TUBB8: variants seen among roughly 807,000 people sequenced by gnomAD.
The protein encoded by TUBB8 is tubulin beta-8 chain.
In TUBB8, 25 loss-of-function variants were observed where a neutral mutation model predicts 33.7. The observed-to-expected ratio is 0.74, with a 90% confidence interval of 0.54 to 1.04. The LOEUF is 1.04. Ranked by LOEUF, TUBB8 falls within the 50% of genes least tolerant of loss-of-function variation. The probability of loss-of-function intolerance (pLI) is 0.00; values close to 1 mark genes in which losing one functional copy is unlikely to be tolerated. For missense variants in TUBB8, 279 were observed against 608.0 expected (o/e 0.46, Z 5.69); for synonymous variants, 245 against 240.1 (o/e 1.02, Z -0.19).
upstream of TUBB8, among the ~76,000 whole-genome samples, chr10:53,371 G>T (rs1834492188): frequency 2.0e-5 from 3 of 152,274 alleles, no homozygotes; most frequent in South Asian, 6.2e-4. Context: ...CAAGTGATCT[G>T]CCCACCTTGG....
At chr10:74,000 G>A in exon 1 of TUBB8, 1 of 157,080 alleles carries the variant, frequency 6.4e-6, no homozygotes. Flanking sequence ...CTGCAGCAGC[G>A]TCTCCCTGTC....
upstream of TUBB8, among the ~76,000 whole-genome samples, chr10:76,120 C>A (rs1218563592): frequency 7.6e-5 from 11 of 145,582 alleles, no homozygotes; most frequent in Non-Finnish European, 1.7e-4. Flanking sequence ...GCCTGGGAAA[C>A]CGAAGCGAAA....
intron 3 of TUBB8, 105 bp downstream of exon 3, chr10:48,510 C>G: frequency 2.7e-6 from 3 of 1,128,198 alleles, no homozygotes; most frequent in Non-Finnish European, 4.0e-6. Context: ...GGAGGGTGTT[C>G]AGGGGCCCTA....
At chr10:73,475 C>G (rs576067381) in intron 1 of TUBB8, among the ~76,000 whole-genome samples, 2 of 152,328 alleles carry the variant, frequency 1.3e-5, no homozygotes, top group Non-Finnish European at 2.9e-5. Flanking sequence ...GAAACCCCGT[C>G]TCTACTAAAA....
At chr10:72,750 G>A (rs527993097) in intron 1 of TUBB8, among the ~76,000 whole-genome samples, 1 of 151,860 alleles carries the variant, frequency 6.6e-6, no homozygotes, top group African/African-American at 2.4e-5. Flanking sequence ...TTCTTGGGGA[G>A]GCTGAGACAG....
chr10:53,656 T>C (rs1475271449), upstream of TUBB8, among the ~76,000 whole-genome samples: 1 of 152,234 alleles, frequency 6.6e-6, no homozygotes, highest in African/African-American at 2.4e-5. Context: ...AGAAAAACAG[T>C]GTTTATCTCC....
chr10:48,406 T>C lies in TUBB8; in HGVS notation c.277+209A>G. 1.7e-5 allele frequency: 11 copies of C among 648,456 alleles called. 2 individuals carry two copies. Among genetic ancestry groups the C allele is most frequent in the South Asian group, 1.7e-4 (9 of 54,256 alleles). The allele number at this position is 648,456 out of a possible 1,614,324, so 40.2% of individuals were successfully genotyped here. ...CCAGCTCAGGTTCTTGCAGGGAGTT[T>C]ACATCAGTAACTCCTCACCTTGAGG... On this transcript the variant is annotated intron_variant, in intron 3 of 3. Coordinates refer to ENST00000568584, the MANE Select transcript of TUBB8 (RefSeq NM_177987.3).
intron 1 of TUBB8, among the ~76,000 whole-genome samples, chr10:57,410 G>A (rs1554740280): frequency 6.6e-6 from 1 of 152,230 alleles, no homozygotes; most frequent in African/African-American, 2.4e-5. Flanking sequence ...TTTAGTAGAG[G>A]TTCTTCATAA....
At chr10:51,933 T>C (rs192665181), upstream of TUBB8, among the ~76,000 whole-genome samples, 119 of 152,280 alleles carry the variant, frequency 7.8e-4, no homozygotes, top group Admixed American at 1.7e-3. Context: ...GCCTCTTTCC[T>C]GGGGCTGCCT....
chr10:73,434 G>C (rs61840127), intron 1 of TUBB8, among the ~76,000 whole-genome samples: 6,804 of 152,204 alleles, frequency 0.045, 151 homozygotes, highest in Non-Finnish European at 0.074. Flanking sequence ...TGATGAGGTT[G>C]GGAGTTCAAG....
At chr10:50,269 T>C (rs1834449801), upstream of TUBB8, 1 of 152,116 alleles carries the variant, frequency 6.6e-6, no homozygotes, top group Non-Finnish European at 1.5e-5. Context: ...AAACAAAGAA[T>C]CCCTTCTAGG....
chr10:64,361 C>T (rs1258330841), intron 1 of TUBB8, among the ~76,000 whole-genome samples: 1 of 149,550 alleles, frequency 6.7e-6, no homozygotes, highest in South Asian at 2.1e-4. Flanking sequence ...ACCCTAACCC[C>T]CAACCCCAAC....
downstream of TUBB8, chr10:46,883 A>C (rs1834336195): frequency 2.3e-5 from 12 of 529,146 alleles, no homozygotes; most frequent in Non-Finnish European, 3.3e-6. Context: ...AGATGGAGGC[A>C]AAACCAGATG....
chr10:73,452 T>A (rs1330520675), intron 1 of TUBB8, among the ~76,000 whole-genome samples: 10 of 152,320 alleles, frequency 6.6e-5, no homozygotes, highest in African/African-American at 2.4e-4. Flanking sequence ...AAGACCAGCC[T>A]GACCAACATG....
chr10:62,926 C>G (rs138594933), intron 1 of TUBB8, among the ~76,000 whole-genome samples: 2,852 of 152,132 alleles, frequency 0.019, 26 homozygotes, highest in African/African-American at 0.065. Context: ...ATTTCTTTAT[C>G]CTTAACCTTT....
chr10:66,702 T>A (rs1588280219), intron 1 of TUBB8, among the ~76,000 whole-genome samples: 2 of 152,230 alleles, frequency 1.3e-5, no homozygotes, highest in Non-Finnish European at 2.9e-5. Context: ...CTGGACATGG[T>A]AGCTGACACC....
chr10:61,548 T>C (rs1373235865), intron 1 of TUBB8, among the ~76,000 whole-genome samples: 2 of 152,244 alleles, frequency 1.3e-5, no homozygotes, highest in East Asian at 1.9e-4. Context: ...AAATAACCCA[T>C]GTGCAGAGAA....
upstream of TUBB8, chr10:49,316 C>T (rs575824723): frequency 2.4e-4 from 355 of 1,466,992 alleles, no homozygotes; most frequent in Middle Eastern, 4.7e-4. Flanking sequence ...CGCCCTCCGC[C>T]AACGTTTAAA....
At chr10:74,418 G>A (rs1387483618), upstream of TUBB8, among the ~76,000 whole-genome samples, 7 of 151,040 alleles carry the variant, frequency 4.6e-5, no homozygotes, top group African/African-American at 1.7e-4. Context: ...CTCGAGGTCA[G>A]GAAATCGAGA....
Sources: allele counts gnomAD v4.1 joint callset (sites outside exome capture counted in the v4.1 genomes callset), GRCh38; gene constraint gnomAD v4.1.1; transcripts MANE v1.5; gene names NCBI Gene and HGNC (gene_info 2026-07-23, HGNC 2026-07-21).